Variants in CCDC83 observed in about 807,000 individuals in gnomAD.
CCDC83 encodes coiled-coil domain containing 83.
Under a neutral mutation model 50.1 loss-of-function variants are expected in CCDC83, and 54 were observed. That is an observed-to-expected ratio of 1.08 (90% CI 0.87 to 1.35). The LOEUF is 1.35. Ranked by LOEUF, CCDC83 falls within the 40% of genes most tolerant of loss-of-function variation. The probability of loss-of-function intolerance (pLI) is 0.00; values close to 1 mark genes in which losing one functional copy is unlikely to be tolerated. For synonymous variants in CCDC83, 161 were observed against 153.3 expected, an observed-to-expected ratio of 1.05 and a Z score of -0.37; for missense variants, 518 against 473.9, an observed-to-expected ratio of 1.09 and a Z score of -0.86.
chr11:85,881,802 C>T (rs2093302006), intron 3 of CCDC83, among the ~76,000 whole-genome samples: 11 of 152,128 alleles, frequency 7.2e-5, no homozygotes. Context: ...TCTCTGACTG[C>T]TTTTAAGACT....
At chr11:85,909,303 CAA>C (rs1209715441) in intron 7 of CCDC83, among the ~76,000 whole-genome samples, 1 of 152,228 alleles carries the variant, frequency 6.6e-6, no homozygotes, top group Non-Finnish European at 1.5e-5. Flanking sequence ...CAGCTTCTGA[CAA>C]GAGATACTGA....
At chr11:85,879,737 A>C (rs748380992) in intron 3 of CCDC83, among the ~76,000 whole-genome samples, 1 of 152,082 alleles carries the variant, frequency 6.6e-6, no homozygotes. Flanking sequence ...CTGCTGCCTC[A>C]GCCTCCTCAG....
At chr11:85,909,068 G>T (rs2093440156) in intron 7 of CCDC83, among the ~76,000 whole-genome samples, 1 of 152,098 alleles carries the variant, frequency 6.6e-6, no homozygotes, top group African/African-American at 2.4e-5. Flanking sequence ...CAAGTAGTGG[G>T]GACTACAGGT....
At chr11:85,883,686 C>G (rs1022020770) in intron 4 of CCDC83, among the ~76,000 whole-genome samples, 4 of 152,158 alleles carry the variant, frequency 2.6e-5, no homozygotes, top group African/African-American at 4.8e-5. Flanking sequence ...TGCTAGGAAG[C>G]TGGAAAACAT....
intron 7 of CCDC83, 93 bp downstream of exon 7, chr11:85,899,108 C>G (rs1592177121): frequency 1.1e-6 from 1 of 886,944 alleles, no homozygotes; most frequent in Non-Finnish European, 1.8e-6. Context: ...ATGGGAAAAG[C>G]ATGGTACCAT....
chr11:85,860,802 C>A (rs1239948557), intron 1 of CCDC83, among the ~76,000 whole-genome samples: 1 of 152,164 alleles, frequency 6.6e-6, no homozygotes, highest in African/African-American at 2.4e-5. Flanking sequence ...TGCTACACAG[C>A]CATAAAAAGA....
chr11:85,906,093 C>T (rs1272421092), intron 7 of CCDC83, among the ~76,000 whole-genome samples: 1 of 150,370 alleles, frequency 6.7e-6, no homozygotes, highest in Non-Finnish European at 1.5e-5. Flanking sequence ...TGAGACGGAG[C>T]CTCACTCTGT....
chr11:85,878,303 C>A (rs2093279478), intron 3 of CCDC83, among the ~76,000 whole-genome samples: 1 of 152,166 alleles, frequency 6.6e-6, no homozygotes, highest in African/African-American at 2.4e-5. Context: ...CCACAAGTAT[C>A]CCTCATGTGA....
At chr11:85,896,845 T>G (rs1243704344) in intron 6 of CCDC83, among the ~76,000 whole-genome samples, 1 of 152,122 alleles carries the variant, frequency 6.6e-6, no homozygotes, top group Non-Finnish European at 1.5e-5. Context: ...TGTCTGTTCA[T>G]CTGGGACATT....
chr11:85,915,519 T>C (rs367896608), intron 9 of CCDC83, 21 bp downstream of exon 9: 9 of 1,536,624 alleles, frequency 5.9e-6, no homozygotes, highest in Non-Finnish European at 8.0e-6. Flanking sequence ...ATTGCAATAA[T>C]GATGATGATT....
At chr11:85,901,833 A>G (rs977160574) in intron 7 of CCDC83, among the ~76,000 whole-genome samples, 9 of 151,522 alleles carry the variant, frequency 5.9e-5, no homozygotes, top group African/African-American at 1.9e-4. Flanking sequence ...ATTCAAGACC[A>G]GACTAGGCAA....
chr11:85,877,217 C>A (rs1333897001), intron 3 of CCDC83, among the ~76,000 whole-genome samples: 1 of 152,164 alleles, frequency 6.6e-6, no homozygotes, highest in African/African-American at 2.4e-5. Flanking sequence ...TGCCTGTAAT[C>A]CCAACACTTT....
chr11:85,916,052 C>A lies in CCDC83; in HGVS notation c.899C>A (p.Thr300Lys). The change falls in exon 10 of 11, where the codon ACA becomes AAA. Residue 300 changes from threonine to lysine, a missense_variant. Transcript: ENST00000342404. ...GAAGAGAAGTCAGAATTGCAACCCA[C>A]AGAAGTAGAAAGTAGAGACTTGATG... ...HIEEKSELQP[T>K]EVESRDLMSS... The A allele has an allele frequency of 6.2e-7, 1 of 1,611,268 alleles. No homozygotes were observed. Among genetic ancestry groups the A allele is most frequent in the Non-Finnish European group, 8.5e-7 (1 of 1,178,612 alleles).
intron 1 of CCDC83, among the ~76,000 whole-genome samples, chr11:85,859,885 C>T (rs2093165321): frequency 6.6e-6 from 1 of 152,190 alleles, no homozygotes; most frequent in Admixed American, 6.5e-5. Context: ...AGACAACCTG[C>T]AGAATGGGAG....
chr11:85,910,884 G>C (rs1034479684), intron 7 of CCDC83, among the ~76,000 whole-genome samples: 2 of 152,098 alleles, frequency 1.3e-5, no homozygotes, highest in Non-Finnish European at 2.9e-5. Context: ...AAACTTAATA[G>C]AACTTGGCCA....
At chr11:85,902,176 TG>T (rs2093405625) in intron 7 of CCDC83, among the ~76,000 whole-genome samples, 1 of 44,528 alleles carries the variant, frequency 2.2e-5, no homozygotes, top group East Asian at 5.4e-4. Context: ...CAGAAGCAGG[TG>T]GGGGTGGGGG....
Position 85,911,311 on chromosome 11 carries a change from T to C in CCDC83, c.703T>C (p.Leu235=). The C allele has an allele frequency of 6.2e-7, 1 of 1,610,884 alleles. No individual in the cohort carries two copies. Among genetic ancestry groups the C allele is most frequent in the Non-Finnish European group, 8.5e-7 (1 of 1,178,432 alleles). The change falls in exon 8 of 11, where the codon TTA becomes CTA. Residue 235 remains leucine (L), a synonymous_variant. Coordinates refer to ENST00000342404, the MANE Select transcript of CCDC83 (RefSeq NM_001286159.2). ...VAIHRKEVEE[L]KNAIHELEAE... is the part of the protein sequence containing the mutation. Reference sequence around the variant, plus strand: ...AATTCACAGGAAGGAAGTTGAAGAATTAAAAAATGCTATTCATGAACTGGA... The same window carrying C: ...AATTCACAGGAAGGAAGTTGAAGAACTAAAAAATGCTATTCATGAACTGGA...
At chr11:85,915,912 T>C in intron 9 of CCDC83, 116 bp from the exon 10 acceptor site, 1 of 719,840 alleles carries the variant, frequency 1.4e-6, no homozygotes, top group East Asian at 2.7e-5. Context: ...ACATAAATTC[T>C]ACATTTGCAA....
At chr11:85,871,862 A>G (rs1354868572) in intron 2 of CCDC83, among the ~76,000 whole-genome samples, 1 of 152,196 alleles carries the variant, frequency 6.6e-6, no homozygotes, top group African/African-American at 2.4e-5. Flanking sequence ...TAGGTAACAC[A>G]CTTCTGTTGC....
Sources: allele counts gnomAD v4.1 joint callset (sites outside exome capture counted in the v4.1 genomes callset), GRCh38; gene constraint gnomAD v4.1.1; transcripts MANE v1.5; gene names NCBI Gene and HGNC (gene_info 2026-07-23, HGNC 2026-07-21).